Variants in THBS1 observed in about 807,000 individuals in gnomAD.
THBS1 encodes the protein thrombospondin 1.
Under a neutral mutation model 126.1 loss-of-function variants are expected in THBS1, and 29 were observed. That is an observed-to-expected ratio of 0.23 (90% CI 0.17 to 0.31). The LOEUF is 0.31. THBS1 is among the 10% of genes least tolerant of loss of function. THBS1 has a pLI of 1.00. For synonymous variants in THBS1, 496 were observed against 577.8 expected, an observed-to-expected ratio of 0.86 and a Z score of 2.03; for missense variants, 1,198 against 1,545.2, an observed-to-expected ratio of 0.78 and a Z score of 3.77.
Position 39,593,978 on chromosome 15 carries a change from C to G in THBS1, c.3268-121C>G. 9.2e-7 allele frequency: 1 copy of G among 1,083,728 alleles called. No homozygotes were observed. The highest frequency in any genetic ancestry group is 2.6e-5 in the East Asian group (1 of 38,452). 67.1% of individuals were successfully genotyped at this position (1,083,728 alleles called of 1,614,324 possible). ...TATGAGAGGACTTGGAAAAATTCCC[C>G]ATTGCAGCCCTCTAACTTAGATCAG... On this transcript the variant is annotated intron_variant, in intron 19 of 21. Coordinates refer to ENST00000260356, the MANE Select transcript of THBS1 (RefSeq NM_003246.4). This position sits in a 1 kb window ranked among gnomAD's most constrained non-coding sequence, Gnocchi z 5.9.
rs1373051276 is a variant in THBS1 at position 39,595,666 on chromosome 15, T to A, written c.*297T>A. 3 of 569,978 alleles carry A rather than the reference T, an allele frequency of 5.3e-6. No individual in the cohort carries two copies. The highest frequency in any genetic ancestry group is 1.0e-5 in the Non-Finnish European group (3 of 300,798). 35.3% of individuals were successfully genotyped at this position (569,978 alleles called of 1,614,324 possible). ...TCAGTTGGGAAGGTGCCCATTCCAC[T>A]CTGCCTTTGTCACAGAGCAGGGTGC... On this transcript the variant is annotated 3_prime_UTR_variant, in exon 22 of 22. Coordinates refer to ENST00000260356, the MANE Select transcript of THBS1 (RefSeq NM_003246.4).
At chr15:39,590,112 G>A (rs1197794943) in intron 13 of THBS1, 89 bp downstream of exon 13, 6 of 1,200,928 alleles carry the variant, frequency 5.0e-6, no homozygotes, top group African/African-American at 3.1e-5. Context: ...CTTAAAGTTT[G>A]GACATGAAAC....
Position 39,585,512 on chromosome 15 carries a change from C to T in THBS1, c.1069C>T (p.Pro357Ser), listed in dbSNP as rs750277462. Residue 357 changes from proline (P) to serine (S), a missense_variant, in exon 7 of 22, where the codon CCC (proline) becomes TCC (serine). Pro to Ser is a moderately conservative substitution (Grantham distance 74). This residue lies in a region of THBS1 where 663 missense variants were observed against 860.1 expected (regional missense o/e 0.77). Transcript: ENST00000260356. ...CAAAAAGGTGTCCTGCCCCATCATG[C>T]CCTGCTCCAATGCCACAGTTCCTGA... The part of the protein sequence containing the change: ...ICKKVSCPIM[P>S]CSNATVPDGE... 11 of 1,614,184 alleles carry T rather than the reference C, an allele frequency of 6.8e-6. No individual in the cohort carries two copies. Among genetic ancestry groups the T allele is most frequent in the Non-Finnish European group, 9.3e-6 (11 of 1,180,038 alleles).
rs1890376513 is a variant in THBS1, at chr15:39,593,732, T to A, written c.3267+64T>A. ...GGTGCCTGACTAGCACTGGGGATGC[T>A]GTGCTTTGACCAAGACTCTGACCAG... On this transcript the variant is annotated intron_variant, in intron 19 of 21. Transcript: ENST00000260356. The surrounding 1 kb of genome is among the most constrained non-coding windows in gnomAD (Gnocchi z 5.9). 2 of 1,575,398 alleles carry A rather than the reference T, an allele frequency of 1.3e-6. No individual in the cohort carries two copies. Among genetic ancestry groups the A allele is most frequent in the Admixed American group, 3.6e-5 (2 of 56,220 alleles).
Position 39,590,128 on chromosome 15 carries a change from G to T in THBS1, c.2145+105G>T, listed in dbSNP as rs1228812884. 6 of 1,093,790 alleles carry T rather than the reference G, an allele frequency of 5.5e-6. No individual in the cohort carries two copies. The South Asian group carries it at 1.1e-4, about 20-fold the overall frequency. The allele number at this position is 1,093,790 out of a possible 1,614,324, so 67.8% of individuals were successfully genotyped here. A position where few individuals can be genotyped will look rare whatever the true frequency, so the allele number is the denominator to read the frequency against. Reference sequence around the variant, plus strand: ...TTAAAGTTTGGACATGAAACTGAAAGATTAAATCTCCCAAAGGGAGAGGGG... The same window carrying T: ...TTAAAGTTTGGACATGAAACTGAAATATTAAATCTCCCAAAGGGAGAGGGG... On this transcript the variant is annotated intron_variant, in intron 13 of 21. Transcript: ENST00000260356.
rs989856199 is a variant in THBS1 at position 39,595,500 on chromosome 15, T to C, written c.*131T>C. 8.1e-5 allele frequency: 103 copies of C among 1,267,438 alleles called. No homozygotes were observed. The highest frequency in any genetic ancestry group is 1.1e-4 in the Non-Finnish European group (102 of 930,510). 78.5% of individuals were successfully genotyped at this position (1,267,438 alleles called of 1,614,324 possible). A position where few individuals can be genotyped will look rare whatever the true frequency, so the allele number is the denominator to read the frequency against. On this transcript the variant is annotated 3_prime_UTR_variant, in exon 22 of 22. Coordinates refer to ENST00000260356, the MANE Select transcript of THBS1 (RefSeq NM_003246.4). ...CTTCTTTTCTGTGCTTGCATCAGTG[T>C]GGACTCCTAGAACGTGCGACCTGCC...
At chr15:39,587,147 A>G (rs1032890328) in intron 7 of THBS1, 200 bp from the exon 8 acceptor site, 1 of 425,270 alleles carries the variant, frequency 2.4e-6, no homozygotes, top group Admixed American at 3.9e-5. Flanking sequence ...GGTGGTAATC[A>G]CAATATATGT....
rs557123085 is a variant in THBS1 at position 39,597,940 on chromosome 15, G to A, written c.*2571G>A. ...AGTAAATGTGGATGAGGGAGGAGCT[G>A]TCCTTGCAATGTTGAGCCAAGCATT... On this transcript the variant is annotated 3_prime_UTR_variant, in exon 22 of 22. Transcript: ENST00000260356. 6.6e-6 allele frequency: 1 copy of A among 152,324 alleles called. No individual in the cohort carries two copies. 9.4% of individuals were successfully genotyped at this position (152,324 alleles called of 1,614,324 possible).
chr15:39,582,761 T>G lies in THBS1; in HGVS notation c.627+9T>G. 1 of 1,597,936 alleles carries G rather than the reference T, an allele frequency of 6.3e-7. No individual in the cohort carries two copies. The highest frequency in any genetic ancestry group is 8.5e-7 in the Non-Finnish European group (1 of 1,173,036). ...TCAATGACAATTTCCAGGTGAGGCT[T>G]CTTCTCTGAGCCCTGCTCCGTGGGA... On this transcript the variant is annotated intron_variant, in intron 3 of 21. Coordinates refer to ENST00000260356, the MANE Select transcript of THBS1 (RefSeq NM_003246.4).
chr15:39,593,251 T>C lies in THBS1; in HGVS notation c.2995+24T>C, dbSNP rs1439142095. ...AGGTGAGTAGCGAGTTCTTAGATCC[T>C]AAGAGACTGATGCATACATGGGGAA... On this transcript the variant is annotated intron_variant, in intron 18 of 21. Coordinates refer to ENST00000260356, the MANE Select transcript of THBS1 (RefSeq NM_003246.4). The surrounding 1 kb of genome is among the most constrained non-coding windows in gnomAD (Gnocchi z 5.9). 6.2e-7 allele frequency: 1 copy of C among 1,612,576 alleles called. No homozygotes were observed. The highest frequency in any genetic ancestry group is 8.5e-7 in the Non-Finnish European group (1 of 1,178,588).
chr15:39,592,801 C>T lies in THBS1; in HGVS notation c.2766C>T (p.Asp922=), dbSNP rs755979851. Residue 922 remains aspartate (D), a splice_region_variant and synonymous_variant, in exon 17 of 22, where the codon GAC becomes GAT. Transcript: ENST00000260356. This position sits in a 1 kb window ranked among gnomAD's most constrained non-coding sequence, Gnocchi z 4.3. ...LVPNPDQKDS[D]GDGRGDACKD... is the part of the protein sequence containing the mutation. The stretch of plus-strand genomic sequence containing the variant: ...CCAATCCCGACCAGAAGGACTCTGA[C>T]GGTGAGTCATGGGAGCCACTTTCTA... 9.9e-6 allele frequency: 16 copies of T among 1,611,148 alleles called. No homozygotes were observed. Among genetic ancestry groups the T allele is most frequent in the Middle Eastern group, 1.6e-4 (1 of 6,072 alleles).
intron 13 of THBS1, 77 bp downstream of exon 13, chr15:39,590,100 T>C: frequency 7.9e-7 from 1 of 1,270,384 alleles, no homozygotes; most frequent in Non-Finnish European, 1.1e-6. Flanking sequence ...GAATTTTAAA[T>C]ACTTAAAGTT....
In THBS1 at chr15:39,593,350, C is replaced by G. The variant is rs781581002; in HGVS notation, c.2996-47C>G. 1 of 1,612,846 alleles carries G rather than the reference C, an allele frequency of 6.2e-7. No individual in the cohort carries two copies. The highest frequency in any genetic ancestry group is 8.5e-7 in the Non-Finnish European group (1 of 1,179,374). ...GATGTCTAGGAACATGATGGAGAAC[C>G]TTCTGAAGGCTGCAGGTTTTAACCT... is the stretch of plus-strand genomic sequence containing the variant. On this transcript the variant is annotated intron_variant, in intron 18 of 21. Coordinates refer to ENST00000260356, the MANE Select transcript of THBS1 (RefSeq NM_003246.4). The surrounding 1 kb of genome is among the most constrained non-coding windows in gnomAD (Gnocchi z 5.9).
At chr15:39,590,046 C>T (rs1292785042) in intron 13 of THBS1, 23 bp downstream of exon 13, 2 of 1,546,650 alleles carry the variant, frequency 1.3e-6, no homozygotes, top group South Asian at 1.2e-5. Flanking sequence ...CCTTTGTGTG[C>T]CTCCAGAAAG....
Position 39,593,932 on chromosome 15 carries a change from T to C in THBS1, c.3268-167T>C. 1.1e-6 allele frequency: 1 copy of C among 880,096 alleles called. No individual in the cohort carries two copies. Among genetic ancestry groups the C allele is most frequent in the African/African-American group, 1.7e-5 (1 of 58,978 alleles). 54.5% of individuals were successfully genotyped at this position (880,096 alleles called of 1,614,324 possible). A position where few individuals can be genotyped will look rare whatever the true frequency, so the allele number is the denominator to read the frequency against. On this transcript the variant is annotated intron_variant, in intron 19 of 21. Coordinates refer to ENST00000260356, the MANE Select transcript of THBS1 (RefSeq NM_003246.4). This position sits in a 1 kb window ranked among gnomAD's most constrained non-coding sequence, Gnocchi z 5.9. ...CTCCTCTCTGTCTGCTTTATATGTG[T>C]GCTCAGTGGCACACAACAAATATGA...
intron 7 of THBS1, chr15:39,586,994 T>C (rs1453143101): frequency 6.1e-6 from 1 of 164,164 alleles, no homozygotes; most frequent in Non-Finnish European, 1.3e-5. Context: ...GCTCATATTA[T>C]GTTCTAGAGA....
chr15:39,583,702 C>T lies in THBS1; in HGVS notation c.703+10C>T. 4.3e-6 allele frequency: 7 copies of T among 1,612,240 alleles called. No homozygotes were observed. Among genetic ancestry groups the T allele is most frequent in the Non-Finnish European group, 4.2e-6 (5 of 1,179,070 alleles). On this transcript the variant is annotated intron_variant, in intron 4 of 21. Transcript: ENST00000260356. ...AAAGGCTGCTCCAGCTGTGAGTACC[C>T]CTCTATTTTTAGGGCACATAGGGAA... is the stretch of plus-strand genomic sequence containing the variant.
chr15:39,595,213 T>C (rs1012070861), intron 21 of THBS1, 149 bp from the exon 22 acceptor site: 10 of 462,326 alleles, frequency 2.2e-5, no homozygotes, highest in Admixed American at 3.9e-5. Flanking sequence ...TAAAATTAAA[T>C]GCTAATGTGC....
chr15:39,589,293 C>T lies in THBS1; in HGVS notation c.1865C>T (p.Pro622Leu), dbSNP rs762740329. 5 of 1,614,046 alleles carry T rather than the reference C, an allele frequency of 3.1e-6. No individual in the cohort carries two copies. Among genetic ancestry groups the T allele is most frequent in the Non-Finnish European group, 4.2e-6 (5 of 1,180,048 alleles). Reference protein sequence around the residue: ...DPGYNCLPCPPRFTGSQPFGQ... With the variant: ...DPGYNCLPCPLRFTGSQPFGQ... ...GGCTACAACTGCCTGCCCTGCCCCCCACGCTTCACCGGCTCACAGCCCTTC... is the reference window on the plus strand; with the variant it reads ...GGCTACAACTGCCTGCCCTGCCCCCTACGCTTCACCGGCTCACAGCCCTTC... Residue 622 changes from proline to leucine, a missense_variant, in exon 12 of 22, where the codon CCA becomes CTA. Coordinates refer to ENST00000260356, the MANE Select transcript of THBS1 (RefSeq NM_003246.4). This position sits in a 1 kb window ranked among gnomAD's most constrained non-coding sequence, Gnocchi z 4.7.
Sources: allele counts gnomAD v4.1 joint callset, GRCh38; gene constraint gnomAD v4.1.1; regional missense constraint gnomAD v4.1.1; non-coding constraint Gnocchi (gnomAD v3.1); transcripts MANE v1.5; gene names NCBI Gene and HGNC (gene_info 2026-07-23, HGNC 2026-07-21).